Variants in STOX2 observed in about 807,000 individuals in gnomAD.
STOX2 encodes storkhead-box protein 2.
In STOX2, 28 loss-of-function variants were observed where a neutral mutation model predicts 60.9. That is an observed-to-expected ratio of 0.46 (90% CI 0.34 to 0.63). The LOEUF (loss-of-function observed/expected upper bound fraction) is 0.63, where lower values mean the gene tolerates loss of function less well. Among genes scored for constraint, STOX2 ranks in the 30% least tolerant of loss-of-function variants. The pLI is 0.01. For missense variants in STOX2, 1,024 were observed against 1,187.7 expected, an observed-to-expected ratio of 0.86 and a Z score of 2.03; for synonymous variants, 472 against 463.9, an observed-to-expected ratio of 1.02 and a Z score of -0.22.
Position 184,010,878 on chromosome 4 carries a change from C to T in STOX2, c.2040C>T (p.Leu680=), listed in dbSNP as rs565056185. The T allele has an allele frequency of 9.9e-6, 16 of 1,610,798 alleles. No homozygotes were observed. Among genetic ancestry groups the T allele is most frequent in the African/African-American group, 5.3e-5 (4 of 74,870 alleles). The change falls in exon 3 of 4, where the codon CTC becomes CTT. Residue 680 remains leucine (L), a synonymous_variant. Coordinates refer to ENST00000308497, the MANE Select transcript of STOX2 (RefSeq NM_020225.3). This position sits in a 1 kb window ranked among gnomAD's most constrained non-coding sequence, Gnocchi z 4.5. ...GVAEGIANGR[L]VQHHGAEPSS... ...CTGAAGGGATCGCCAACGGACGCCT[C>T]GTCCAGCACCATGGTGCCGAGCCCA...
intron 1 of STOX2, among the ~76,000 whole-genome samples, chr4:183,955,871 C>A (rs1743233308): frequency 6.6e-6 from 1 of 152,064 alleles, no homozygotes; most frequent in Non-Finnish European, 1.5e-5. Flanking sequence ...GCAGAGCGAT[C>A]TGTAGAGGAT....
intron 1 of STOX2, among the ~76,000 whole-genome samples, chr4:183,989,018 C>T (rs1033261427): frequency 1.3e-5 from 2 of 152,170 alleles, no homozygotes; most frequent in African/African-American, 2.4e-5. Flanking sequence ...CAGGTCATCC[C>T]AGAGCTGCTC....
At chr4:183,926,137 T>C (rs1742234646) in intron 1 of STOX2, among the ~76,000 whole-genome samples, 1 of 152,212 alleles carries the variant, frequency 6.6e-6, no homozygotes, top group Non-Finnish European at 1.5e-5. Context: ...TGAGAACAGA[T>C]GTGTTTTTAA....
At position 183,977,561 on chromosome 4, in the gene STOX2, G is replaced by GTGTGTGTGTGTGTGTGTGTGTGTGTGTA. The variant is rs1444685899; in HGVS notation, c.167-23761_167-23760insGTGTGTGTGTGTGTGTGTGTGTGTATGT. Among the ~76,000 whole-genome samples the GTGTGTGTGTGTGTGTGTGTGTGTGTGTA allele has an allele frequency of 2.0e-5, 3 of 152,004 alleles. No individual in the cohort carries two copies. The East Asian group carries it at 5.8e-4, about 29-fold the overall frequency. Reference sequence around the variant, plus strand: ...CATTCCATTTCGTGTGTGTGTGTGTGTGTATCACATTTTTAGTCCAGTTAT... The same window carrying GTGTGTGTGTGTGTGTGTGTGTGTGTGTA: ...CATTCCATTTCGTGTGTGTGTGTGTGTGTGTGTGTGTGTGTGTGTGTGTGTGTATGTATCACATTTTTAGTCCAGTTAT... On this transcript the variant is annotated intron_variant, in intron 1 of 3. Coordinates refer to ENST00000308497, the MANE Select transcript of STOX2 (RefSeq NM_020225.3).
At chr4:183,973,203 T>G (rs2111178231) in intron 1 of STOX2, among the ~76,000 whole-genome samples, 1 of 152,312 alleles carries the variant, frequency 6.6e-6, no homozygotes, top group East Asian at 1.9e-4. Context: ...GTCAAAGACG[T>G]AAGCTTTTAA....
At chr4:183,830,236 C>T (rs1384598943) in intron 1 of STOX2, among the ~76,000 whole-genome samples, 4 of 152,182 alleles carry the variant, frequency 2.6e-5, no homozygotes, top group African/African-American at 9.7e-5. Context: ...TTTCCTTGCA[C>T]ACAGTAGAAA....
chr4:184,009,136 G>GTGTTT lies in STOX2; in HGVS notation c.320-21_320-20insGTTTT. 1.4e-6 allele frequency: 1 copy of GTGTTT among 716,354 alleles called. No individual in the cohort carries two copies. The highest frequency in any genetic ancestry group is 2.2e-6 in the Non-Finnish European group (1 of 463,072). The allele number at this position is 716,354 out of a possible 1,614,324, so 44.4% of individuals were successfully genotyped here. On this transcript the variant is annotated intron_variant, in intron 2 of 3. Transcript: ENST00000308497. This position sits in a 1 kb window ranked among gnomAD's most constrained non-coding sequence, Gnocchi z 4.0. ...TGTTCTGTCTTCATTCTCACAAGTG[G>GTGTTT]TTTTTTTTTTTTTTTTTTCAGGTGT...
rs1295718422 is a variant in STOX2 at position 184,010,512 on chromosome 4, G to C, written c.1674G>C (p.Glu558Asp). The change falls in exon 3 of 4, where the codon GAG becomes GAC. Residue 558 changes from glutamate (E) to aspartate (D), a missense_variant. Physicochemically the swap from Glu to Asp is conservative, Grantham distance 45 (BLOSUM62 2). This residue lies in a region of STOX2 where 922 missense variants were observed against 1,058.3 expected (regional missense o/e 0.87). Transcript: ENST00000308497. The surrounding 1 kb of genome is among the most constrained non-coding windows in gnomAD (Gnocchi z 4.5). ...STSYKEVCIP[E>D]IVSGSKEPSS... Reference sequence around the variant, plus strand: ...GCTATAAAGAGGTGTGTATTCCAGAGATAGTCAGTGGCAGCAAGGAACCGT... The same window carrying C: ...GCTATAAAGAGGTGTGTATTCCAGACATAGTCAGTGGCAGCAAGGAACCGT... The C allele has an allele frequency of 6.2e-7, 1 of 1,613,904 alleles. No homozygotes were observed. Among genetic ancestry groups the C allele is most frequent in the South Asian group, 1.1e-5 (1 of 91,052 alleles).
At position 184,023,286 on chromosome 4, in the gene STOX2, T is replaced by G. The variant is rs1223540018; in HGVS notation, c.*6002T>G. On this transcript the variant is annotated 3_prime_UTR_variant, in exon 4 of 4. Transcript: ENST00000308497. ...AATGTCTTCCCTAATGTTACTGATT[T>G]ATAACAGCACATTTGTAACATGGTT... 1 of 152,196 alleles carries G rather than the reference T, an allele frequency of 6.6e-6. No individual in the cohort carries two copies. Among genetic ancestry groups the G allele is most frequent in the Admixed American group, 6.5e-5 (1 of 15,284 alleles). 9.4% of individuals were successfully genotyped at this position (152,196 alleles called of 1,614,324 possible).
At chr4:183,815,813 T>C (rs1385569936) in intron 1 of STOX2, among the ~76,000 whole-genome samples, 1 of 152,250 alleles carries the variant, frequency 6.6e-6, no homozygotes, top group Non-Finnish European at 1.5e-5. Flanking sequence ...TTAAATAAGG[T>C]ATAAATGATG....
chr4:183,850,482 AC>A (rs1203910872), intron 1 of STOX2, among the ~76,000 whole-genome samples: 3 of 151,898 alleles, frequency 2.0e-5, no homozygotes, highest in Non-Finnish European at 4.4e-5. Flanking sequence ...TAATCCCAGC[AC>A]TTTGGGAGGC....
At chr4:183,850,899 T>G (rs968282968) in intron 1 of STOX2, among the ~76,000 whole-genome samples, 3 of 32,132 alleles carry the variant, frequency 9.3e-5, no homozygotes, top group African/African-American at 2.0e-4. Context: ...AGAGAAACGA[T>G]GAGGGAAAGG....
At chr4:184,007,032 ACAAAAC>A (rs1230577957) in intron 2 of STOX2, among the ~76,000 whole-genome samples, 2,425 of 119,936 alleles carry the variant, frequency 0.02, 240 homozygotes, top group Middle Eastern at 0.032. Flanking sequence ...AAAAAAAAAA[ACAAAAC>A]AAAAAAAAAA....
intron 1 of STOX2, among the ~76,000 whole-genome samples, chr4:183,827,091 G>A (rs778345998): frequency 6.6e-6 from 1 of 152,180 alleles, no homozygotes; most frequent in South Asian, 2.1e-4. Context: ...TAGCTGCTAT[G>A]TAGTATAGTC....
chr4:183,870,685 G>A (rs1740668343), intron 1 of STOX2, among the ~76,000 whole-genome samples: 1 of 152,102 alleles, frequency 6.6e-6, no homozygotes, highest in Admixed American at 6.5e-5. Context: ...ATGTTCTTTG[G>A]GTGATTTTCA....
intron 1 of STOX2, among the ~76,000 whole-genome samples, chr4:183,933,293 C>T (rs907916036): frequency 6.6e-6 from 1 of 152,152 alleles, no homozygotes; most frequent in African/African-American, 2.4e-5. Flanking sequence ...TAGCCAAAGA[C>T]GTAATTGGGA....
intron 1 of STOX2, among the ~76,000 whole-genome samples, chr4:183,961,001 C>T (rs182003152): frequency 1.3e-5 from 2 of 152,314 alleles, no homozygotes; most frequent in Admixed American, 6.5e-5. Context: ...CTACACCCCT[C>T]AGCCCTACCC....
At chr4:183,983,166 G>A (rs984536413) in intron 1 of STOX2, among the ~76,000 whole-genome samples, 1 of 152,054 alleles carries the variant, frequency 6.6e-6, no homozygotes, top group Non-Finnish European at 1.5e-5. Flanking sequence ...CTCTCATCTT[G>A]CCTCTCCCCA....
chr4:183,942,873 G>T (rs1742789790), intron 1 of STOX2, among the ~76,000 whole-genome samples: 1 of 152,124 alleles, frequency 6.6e-6, no homozygotes, highest in African/African-American at 2.4e-5. Context: ...TGTCTTGTCA[G>T]ATGTTTTCAT....
Sources: allele counts gnomAD v4.1 joint callset (sites outside exome capture counted in the v4.1 genomes callset), GRCh38; gene constraint gnomAD v4.1.1; regional missense constraint gnomAD v4.1.1; non-coding constraint Gnocchi (gnomAD v3.1); transcripts MANE v1.5; gene names NCBI Gene and HGNC (gene_info 2026-07-23, HGNC 2026-07-21).